MACROD2: variants seen among roughly 807,000 people sequenced by gnomAD.
MACROD2 encodes mono-ADP ribosylhydrolase 2.
A neutral mutation model predicts 70.4 loss-of-function variants in MACROD2; 36 were observed. The observed-to-expected ratio is 0.51, with a 90% CI of 0.39 to 0.68. The LOEUF (loss-of-function observed/expected upper bound fraction) is 0.68. Among genes scored for constraint, MACROD2 ranks in the 30% least tolerant of loss-of-function variants. The probability of loss-of-function intolerance (pLI) is 0.00; values close to 1 mark genes in which losing one functional copy is unlikely to be tolerated. For missense variants in MACROD2, 496 were observed against 538.4 expected, an observed-to-expected ratio of 0.92 and a Z score of 0.78; for synonymous variants, 172 against 178.8, an observed-to-expected ratio of 0.96 and a Z score of 0.30.
intron 8 of MACROD2, among the ~76,000 whole-genome samples, chr20:15,730,744 G>A (rs958399232): frequency 1.3e-5 from 2 of 151,310 alleles, no homozygotes; most frequent in African/African-American, 4.9e-5. Context: ...TAATGAGGTT[G>A]GGGAGATTTT....
intron 3 of MACROD2, among the ~76,000 whole-genome samples, chr20:14,133,491 G>A (rs1276869652): frequency 6.6e-6 from 1 of 152,184 alleles, no homozygotes; most frequent in East Asian, 1.9e-4. Context: ...TCCAGTGGGA[G>A]TGACAGATAA....
intron 3 of MACROD2, among the ~76,000 whole-genome samples, chr20:14,358,650 G>A (rs1247958442): frequency 1.3e-5 from 2 of 151,894 alleles, no homozygotes; most frequent in Non-Finnish European, 2.9e-5. Context: ...TAGAGACAGG[G>A]TTTTACCATG....
intron 3 of MACROD2, among the ~76,000 whole-genome samples, chr20:14,176,315 G>A (rs545023897): frequency 3.3e-5 from 5 of 152,306 alleles, no homozygotes; most frequent in African/African-American, 9.6e-5. Flanking sequence ...GATGGCATAA[G>A]TGTTTGAACT....
At chr20:15,503,665 G>C (rs542664923) in intron 8 of MACROD2, among the ~76,000 whole-genome samples, 2 of 152,232 alleles carry the variant, frequency 1.3e-5, no homozygotes, top group African/African-American at 4.8e-5. Context: ...CCATGTCTCT[G>C]TTTCATTATT....
At chr20:15,627,683 C>A (rs1220863005) in intron 8 of MACROD2, among the ~76,000 whole-genome samples, 1 of 152,092 alleles carries the variant, frequency 6.6e-6, no homozygotes, top group Non-Finnish European at 1.5e-5. Flanking sequence ...TGCAAAAAAC[C>A]TGGGAAAATG....
At chr20:14,056,374 C>A (rs2053631189) in intron 2 of MACROD2, among the ~76,000 whole-genome samples, 1 of 151,316 alleles carries the variant, frequency 6.6e-6, no homozygotes. Flanking sequence ...GAATTTTATT[C>A]TTCTGCTTGC....
intron 8 of MACROD2, among the ~76,000 whole-genome samples, chr20:15,666,769 C>A (rs2146827725): frequency 6.6e-6 from 1 of 152,318 alleles, no homozygotes; most frequent in East Asian, 1.9e-4. Flanking sequence ...AGGACCAGCA[C>A]CCCTGCACAA....
At chr20:14,732,388 A>T (rs927162734) in intron 5 of MACROD2, among the ~76,000 whole-genome samples, 1 of 152,140 alleles carries the variant, frequency 6.6e-6, no homozygotes, top group Non-Finnish European at 1.5e-5. Flanking sequence ...CATAACTTCA[A>T]CCTTGAACTG....
intron 7 of MACROD2, among the ~76,000 whole-genome samples, chr20:15,447,372 G>T (rs138870239): frequency 6.6e-6 from 1 of 152,158 alleles, no homozygotes; most frequent in Non-Finnish European, 1.5e-5. Flanking sequence ...TCCACTTCGT[G>T]TTCTTTGCCT....
intron 3 of MACROD2, among the ~76,000 whole-genome samples, chr20:14,228,344 T>C (rs1420153450): frequency 6.5e-5 from 2 of 30,704 alleles, no homozygotes; most frequent in South Asian, 9.2e-4. Flanking sequence ...TTTTCTTTTT[T>C]TTTTTTTTTT....
At chr20:14,165,157 A>T (rs2055249588) in intron 3 of MACROD2, among the ~76,000 whole-genome samples, 1 of 151,944 alleles carries the variant, frequency 6.6e-6, no homozygotes. Flanking sequence ...CCTGTTTAGG[A>T]CTCAGGGTTT....
intron 8 of MACROD2, among the ~76,000 whole-genome samples, chr20:15,595,013 C>T (rs531308626): frequency 2.6e-5 from 4 of 152,206 alleles, no homozygotes; most frequent in Non-Finnish European, 5.9e-5. Context: ...ATTGTCTTTA[C>T]TCTTCCCAGT....
chr20:14,314,775 A>C (rs978111207), intron 3 of MACROD2, among the ~76,000 whole-genome samples: 1 of 150,916 alleles, frequency 6.6e-6, no homozygotes, highest in South Asian at 2.1e-4. Context: ...TAAATAAATA[A>C]ATAAATAAAT....
chr20:15,899,059 C>A (rs570913511), intron 10 of MACROD2, among the ~76,000 whole-genome samples: 1 of 151,456 alleles, frequency 6.6e-6, no homozygotes, highest in Non-Finnish European at 1.5e-5. Flanking sequence ...TATATACATG[C>A]ATATATGTGT....
chr20:15,294,404 T>C (rs1948032779), intron 6 of MACROD2, among the ~76,000 whole-genome samples: 1 of 152,188 alleles, frequency 6.6e-6, no homozygotes, highest in African/African-American at 2.4e-5. Context: ...CCTTTATTAT[T>C]TCAGCCACAT....
rs115566761 is a variant in MACROD2, at chr20:14,975,402, C to T, written c.419-254538C>T. 1.3e-4 allele frequency among the ~76,000 whole-genome samples: 20 copies of T among 152,046 alleles called. 1 individual carries two copies. In the East Asian group the frequency reaches 1.5e-3, roughly 12 times the overall value. On this transcript the variant is annotated intron_variant, in intron 5 of 17. Transcript: ENST00000684519. ...GAGAGGCAGAAAGGAGTAGATCAGA[C>T]GGCAGCAGGCTGGGGCGGGCAGGTG...
chr20:15,854,050 C>T (rs1382344556), intron 8 of MACROD2, among the ~76,000 whole-genome samples: 1 of 152,114 alleles, frequency 6.6e-6, no homozygotes, highest in Non-Finnish European at 1.5e-5. Context: ...TATGATCGCC[C>T]CTAGGTGTGC....
intron 7 of MACROD2, among the ~76,000 whole-genome samples, chr20:15,478,613 C>A (rs936219495): frequency 4.0e-5 from 6 of 151,880 alleles, no homozygotes; most frequent in African/African-American, 1.5e-4. Flanking sequence ...TGAGCCTAGA[C>A]GTTCTCTCCC....
At chr20:15,462,336 T>C (rs774189412) in intron 7 of MACROD2, among the ~76,000 whole-genome samples, 3 of 152,232 alleles carry the variant, frequency 2.0e-5, no homozygotes, top group Non-Finnish European at 4.4e-5. Flanking sequence ...TGTGTTCTCA[T>C]TGTGTTTGCT....
Sources: allele counts gnomAD v4.1 joint callset (sites outside exome capture counted in the v4.1 genomes callset), GRCh38; gene constraint gnomAD v4.1.1; transcripts MANE v1.5; gene names NCBI Gene and HGNC (gene_info 2026-07-23, HGNC 2026-07-21).